Variants in FMN2 observed in about 807,000 individuals in gnomAD.
FMN2 encodes formin 2, also known as formin-2.
In FMN2, 51 loss-of-function variants were observed where a neutral mutation model predicts 142.3. That is an observed-to-expected ratio of 0.36 (90% CI 0.29 to 0.45). The LOEUF (loss-of-function observed/expected upper bound fraction) is 0.45, where lower values mean the gene tolerates loss of function less well. Ranked by LOEUF, FMN2 falls within the 20% of genes least tolerant of loss-of-function variation. FMN2 has a pLI of 1.00. For synonymous variants in FMN2, 882 were observed against 869.8 expected, an observed-to-expected ratio of 1.01 and a Z score of -0.25; for missense variants, 1,936 against 2,122.8, an observed-to-expected ratio of 0.91 and a Z score of 1.73.
intron 7 of FMN2, among the ~76,000 whole-genome samples, chr1:240,266,477 C>T (rs1317842293): frequency 6.6e-6 from 1 of 151,658 alleles, no homozygotes; most frequent in Admixed American, 6.6e-5. Context: ...GTTTGCTTTT[C>T]TGTTCCTGCC....
chr1:240,139,764 T>C (rs1393233390), intron 2 of FMN2, among the ~76,000 whole-genome samples: 1 of 151,948 alleles, frequency 6.6e-6, no homozygotes, highest in African/African-American at 2.4e-5. Context: ...GGTGGGAAGA[T>C]GGGAGGTGAA....
chr1:240,222,257 C>T (rs1667147569), intron 6 of FMN2, among the ~76,000 whole-genome samples: 1 of 152,090 alleles, frequency 6.6e-6, no homozygotes, highest in African/African-American at 2.4e-5. Flanking sequence ...CTCCTTTCCC[C>T]ATTGCTTGTT....
At chr1:240,312,595 T>C (rs1670635238) in intron 8 of FMN2, among the ~76,000 whole-genome samples, 1 of 152,218 alleles carries the variant, frequency 6.6e-6, no homozygotes, top group African/African-American at 2.4e-5. Context: ...GTTAGAACGC[T>C]ACCCTTGACA....
intron 8 of FMN2, among the ~76,000 whole-genome samples, chr1:240,320,251 G>A (rs866534153): frequency 6.6e-6 from 1 of 152,098 alleles, no homozygotes; most frequent in African/African-American, 2.4e-5. Flanking sequence ...TTTCCCTAAT[G>A]GAAGTGAAAA....
At chr1:240,165,561 G>T (rs1334463888) in intron 2 of FMN2, among the ~76,000 whole-genome samples, 2 of 151,670 alleles carry the variant, frequency 1.3e-5, no homozygotes, top group Non-Finnish European at 2.9e-5. Flanking sequence ...TAGGATCCCT[G>T]TGTGTCTTTT....
intron 7 of FMN2, among the ~76,000 whole-genome samples, chr1:240,285,813 A>G (rs1669570429): frequency 6.6e-6 from 1 of 152,202 alleles, no homozygotes; most frequent in South Asian, 2.1e-4. Flanking sequence ...GGGTTTAGGA[A>G]GTGATGGGCA....
intron 8 of FMN2, among the ~76,000 whole-genome samples, chr1:240,318,353 A>G (rs1184062640): frequency 1.3e-5 from 2 of 152,172 alleles, no homozygotes; most frequent in Non-Finnish European, 2.9e-5. Context: ...CTGCTCTGGC[A>G]GACCACTTTT....
chr1:240,396,025 C>T (rs978978234), intron 15 of FMN2, among the ~76,000 whole-genome samples: 2 of 152,136 alleles, frequency 1.3e-5, no homozygotes, highest in Non-Finnish European at 2.9e-5. Flanking sequence ...TCAGCAACCA[C>T]CATTCCAATC....
rs971278499 is a variant in FMN2, at chr1:240,144,364, G to A, written c.1782+21019G>A. The A allele has an allele frequency of 1.2e-5, 20 of 1,606,714 alleles. No individual in the cohort carries two copies. In the African/African-American group the frequency reaches 2.4e-4, roughly 19 times the overall value. On this transcript the variant is annotated intron_variant, in intron 2 of 17. Coordinates refer to ENST00000319653, the MANE Select transcript of FMN2 (RefSeq NM_020066.5). ...CATCAGGCACCTTGGGCTCCATGAT[G>A]TCCAGCTCCCGAGCTAAGGCCAAGA...
intron 6 of FMN2, among the ~76,000 whole-genome samples, chr1:240,244,378 A>G (rs1029200961): frequency 3.3e-5 from 5 of 152,232 alleles, no homozygotes; most frequent in African/African-American, 4.8e-5. Flanking sequence ...AGTTATCTCT[A>G]TTGGATATTT....
At chr1:240,366,842 C>T (rs577402158) in intron 14 of FMN2, among the ~76,000 whole-genome samples, 18 of 152,260 alleles carry the variant, frequency 1.2e-4, no homozygotes, top group South Asian at 4.1e-4. Flanking sequence ...TGAGCCACCG[C>T]GCCCGGCCCT....
chr1:240,179,934 A>G (rs994092325), intron 3 of FMN2, among the ~76,000 whole-genome samples: 1 of 152,168 alleles, frequency 6.6e-6, no homozygotes, highest in African/African-American at 2.4e-5. Flanking sequence ...GGAACTTTAT[A>G]AAACATTATG....
At chr1:240,170,056 T>A in intron 2 of FMN2, 4 of 581,322 alleles carry the variant, frequency 6.9e-6, no homozygotes. Flanking sequence ...CTGTCTCTAC[T>A]CACAGATAAG....
chr1:240,348,891 AG>A (rs1227258445), intron 13 of FMN2, among the ~76,000 whole-genome samples: 1 of 152,110 alleles, frequency 6.6e-6, no homozygotes, highest in Non-Finnish European at 1.5e-5. Flanking sequence ...CACTACATGG[AG>A]TGACTGGGTT....
rs150967902 is a variant in FMN2, at chr1:240,192,392, A to G, written c.1986+4130A>G. Among the ~76,000 whole-genome samples the G allele has an allele frequency of 1.9e-4, 29 of 152,324 alleles. No homozygotes were observed. The East Asian group carries it at 4.0e-3, about 21-fold the overall frequency. On this transcript the variant is annotated intron_variant, in intron 4 of 17. Transcript: ENST00000319653. The stretch of plus-strand genomic sequence containing the variant: ...TGCTGGAGACTTAATAAAACAAGCC[A>G]TTTGAATTGGGGTAGAATGTCTTAG...
At chr1:240,331,318 A>G (rs1671373935) in intron 11 of FMN2, among the ~76,000 whole-genome samples, 3 of 152,104 alleles carry the variant, frequency 2.0e-5, no homozygotes, top group African/African-American at 4.8e-5. Flanking sequence ...TTTTGGTACT[A>G]CTTCTGCAGT....
chr1:240,367,884 C>T (rs1672735863), intron 14 of FMN2, among the ~76,000 whole-genome samples: 4 of 150,958 alleles, frequency 2.6e-5, no homozygotes, highest in Admixed American at 2.6e-4. Context: ...ATCCTTCAGT[C>T]TATTTGAAAT....
intron 2 of FMN2, among the ~76,000 whole-genome samples, chr1:240,152,651 A>G (rs2103274926): frequency 6.6e-6 from 1 of 152,296 alleles, no homozygotes; most frequent in Middle Eastern, 3.4e-3. Context: ...GCTAGGACTA[A>G]GCAGAGACAA....
intron 4 of FMN2, among the ~76,000 whole-genome samples, chr1:240,191,464 T>A (rs1665694672): frequency 6.6e-6 from 1 of 152,214 alleles, no homozygotes; most frequent in Non-Finnish European, 1.5e-5. Context: ...CAAATAAAAT[T>A]ACATTCTTGA....
Sources: gnomAD v4.1 joint callset for allele counts (sites outside exome capture counted in the v4.1 genomes callset) on GRCh38, gnomAD v4.1.1 for gene constraint, MANE v1.5 for transcripts, NCBI Gene and HGNC (gene_info 2026-07-23, HGNC 2026-07-21) for gene names.